The following GPC6 variants were observed in gnomAD, a reference collection of about 807,000 sequenced individuals.
GPC6 encodes glypican 6.
A neutral mutation model predicts 55.2 loss-of-function variants in GPC6; 14 were observed. The observed-to-expected ratio is 0.25, with a 90% CI of 0.17 to 0.40. The LOEUF is 0.40. Among genes scored for constraint, GPC6 ranks in the 10% least tolerant of loss-of-function variants. The probability of loss-of-function intolerance (pLI) is 1.00; values close to 1 mark genes in which losing one functional copy is unlikely to be tolerated. For synonymous variants in GPC6, 278 were observed against 259.6 expected, an observed-to-expected ratio of 1.07 and a Z score of -0.68; for missense variants, 641 against 708.5, an observed-to-expected ratio of 0.90 and a Z score of 1.08.
At chr13:94,090,932 C>T (rs1402843540) in intron 4 of GPC6, among the ~76,000 whole-genome samples, 1 of 152,060 alleles carries the variant, frequency 6.6e-6, no homozygotes, top group South Asian at 2.1e-4. Context: ...CTGTTCATGG[C>T]TATTAATAGG....
chr13:93,796,997 C>T (rs1594465354), intron 2 of GPC6, among the ~76,000 whole-genome samples: 1 of 152,336 alleles, frequency 6.6e-6, no homozygotes, highest in East Asian at 1.9e-4. Context: ...GCTGAATTTC[C>T]ACAAGTCAAC....
At chr13:94,257,465 C>A (rs148552639) in intron 4 of GPC6, among the ~76,000 whole-genome samples, 1 of 152,178 alleles carries the variant, frequency 6.6e-6, no homozygotes, top group African/African-American at 2.4e-5. Context: ...CAAGGCACTG[C>A]GGTCAAGAAC....
chr13:93,410,677 C>T (rs936795681), intron 1 of GPC6, among the ~76,000 whole-genome samples: 14 of 152,052 alleles, frequency 9.2e-5, no homozygotes, highest in Admixed American at 8.5e-4. Context: ...AATTAATGGA[C>T]TTTATTTTTC....
intron 1 of GPC6, among the ~76,000 whole-genome samples, chr13:93,456,847 C>A (rs376469362): frequency 6.6e-6 from 1 of 152,066 alleles, no homozygotes; most frequent in South Asian, 2.1e-4. Context: ...CCTTTATCTT[C>A]ATGATATGGT....
intron 2 of GPC6, among the ~76,000 whole-genome samples, chr13:93,622,636 CAT>C (rs534176731): frequency 4.3e-4 from 65 of 152,198 alleles, no homozygotes; most frequent in African/African-American, 1.6e-3. Flanking sequence ...TTTTAATTGA[CAT>C]GTAATAAGTG....
At chr13:94,006,982 C>T (rs1448799196) in intron 3 of GPC6, among the ~76,000 whole-genome samples, 1 of 152,126 alleles carries the variant, frequency 6.6e-6, no homozygotes, top group African/African-American at 2.4e-5. Context: ...ATAAACAAAA[C>T]ACCTTCCTTG....
At chr13:94,044,596 T>C (rs1345314962) in intron 4 of GPC6, among the ~76,000 whole-genome samples, 4 of 151,924 alleles carry the variant, frequency 2.6e-5, no homozygotes, top group African/African-American at 9.7e-5. Context: ...ACTTAATGAA[T>C]GTGTATTTTT....
chr13:93,711,422 T>C (rs542927654), intron 2 of GPC6, among the ~76,000 whole-genome samples: 1 of 151,840 alleles, frequency 6.6e-6, no homozygotes, highest in East Asian at 2.0e-4. Context: ...GACCTCCTAC[T>C]GCCCTCCCTC....
chr13:93,634,953 A>C (rs765147849), intron 2 of GPC6, among the ~76,000 whole-genome samples: 1 of 152,156 alleles, frequency 6.6e-6, no homozygotes, highest in Non-Finnish European at 1.5e-5. Flanking sequence ...GTAGAGTTTG[A>C]ACTACATGAA....
intron 2 of GPC6, among the ~76,000 whole-genome samples, chr13:93,776,284 A>G (rs1323058263): frequency 2.0e-5 from 3 of 152,176 alleles, no homozygotes; most frequent in South Asian, 2.1e-4. Context: ...AACCCTTACT[A>G]TGTGCTGGCG....
intron 1 of GPC6, among the ~76,000 whole-genome samples, chr13:93,500,972 T>C (rs982552310): frequency 2.6e-5 from 4 of 152,214 alleles, no homozygotes; most frequent in African/African-American, 9.6e-5. Flanking sequence ...ACTGTTGTGT[T>C]AACAAGAACT....
intron 3 of GPC6, among the ~76,000 whole-genome samples, chr13:94,025,874 C>G (rs918741533): frequency 7.2e-5 from 11 of 151,754 alleles, no homozygotes; most frequent in African/African-American, 2.7e-4. Flanking sequence ...TTTATTCAAG[C>G]CAGTATTGAA....
chr13:93,840,059 A>G (rs1011162844), intron 3 of GPC6, among the ~76,000 whole-genome samples: 2 of 152,068 alleles, frequency 1.3e-5, no homozygotes, highest in South Asian at 2.1e-4. Flanking sequence ...TTCTTCTTTG[A>G]TATCTGGTAG....
At chr13:93,364,061 A>G (rs1881151167) in intron 1 of GPC6, among the ~76,000 whole-genome samples, 1 of 152,170 alleles carries the variant, frequency 6.6e-6, no homozygotes, top group South Asian at 2.1e-4. Flanking sequence ...GTAGGTTGCG[A>G]AAATTTTCTT....
At chr13:94,375,694 T>G (rs531365252) in intron 6 of GPC6, among the ~76,000 whole-genome samples, 33,417 of 131,820 alleles carry the variant, frequency 0.25, 4,334 homozygotes, top group Middle Eastern at 0.36. Flanking sequence ...CCTAACTCAT[T>G]TTATGAGGCC....
At chr13:94,202,918 T>C (rs1387010352) in intron 4 of GPC6, among the ~76,000 whole-genome samples, 1 of 152,016 alleles carries the variant, frequency 6.6e-6, no homozygotes, top group Non-Finnish European at 1.5e-5. Context: ...GAAATCAAAC[T>C]AGAACTCTCC....
intron 4 of GPC6, among the ~76,000 whole-genome samples, chr13:94,074,714 G>A (rs1431924638): frequency 6.6e-6 from 1 of 152,144 alleles, no homozygotes; most frequent in Non-Finnish European, 1.5e-5. Flanking sequence ...ATTAGGTAGA[G>A]GTCTCTTGGA....
intron 1 of GPC6, among the ~76,000 whole-genome samples, chr13:93,513,236 A>G (rs1202185207): frequency 2.0e-5 from 3 of 152,210 alleles, no homozygotes; most frequent in African/African-American, 7.2e-5. Flanking sequence ...CTTTAAATCT[A>G]CATTTTACTC....
At chr13:93,555,553 T>C (rs1437056117) in intron 2 of GPC6, among the ~76,000 whole-genome samples, 1 of 152,194 alleles carries the variant, frequency 6.6e-6, no homozygotes, top group Non-Finnish European at 1.5e-5. Context: ...AACCTGGAAT[T>C]CATATGTGAT....
Sources: allele counts gnomAD v4.1 joint callset (sites outside exome capture counted in the v4.1 genomes callset), GRCh38; gene constraint gnomAD v4.1.1; transcripts MANE v1.5; gene names NCBI Gene and HGNC (gene_info 2026-07-23, HGNC 2026-07-21).